The following KIF17 variants were observed in gnomAD, a reference collection of about 807,000 sequenced individuals.
The protein encoded by KIF17 is kinesin family member 17.
KIF17 carries 80 observed loss-of-function variants against 96.8 expected under a neutral mutation model. The observed-to-expected ratio is 0.83, with a 90% CI of 0.69 to 1.00. KIF17 has a LOEUF of 1.00. Among genes scored for constraint, KIF17 ranks in the 50% least tolerant of loss-of-function variants. The pLI is 0.00. For synonymous variants in KIF17, 567 were observed against 587.5 expected, an observed-to-expected ratio of 0.97 and a Z score of 0.51; for missense variants, 1,280 against 1,372.9, an observed-to-expected ratio of 0.93 and a Z score of 1.07.
chr1:20,706,731 G>GCCCCGTC, intron 4 of KIF17, among the ~76,000 whole-genome samples: 1 of 149,338 alleles, frequency 6.7e-6, no homozygotes. Context: ...ACAAAAAAAA[G>GCCCCGTC]TATAAAAATT....
chr1:20,710,847 G>A (rs2054422985), intron 3 of KIF17, among the ~76,000 whole-genome samples: 1 of 152,210 alleles, frequency 6.6e-6, no homozygotes, highest in African/African-American at 2.4e-5. Flanking sequence ...GAAAGGAGAA[G>A]GTGAAGGTCA....
Position 20,698,363 on chromosome 1 carries a change from C to A in KIF17, c.1233+16G>T. On this transcript the variant is annotated intron_variant, in intron 6 of 14. Coordinates refer to ENST00000400463, the MANE Select transcript of KIF17 (RefSeq NM_001122819.3). ...TGCCTGTCCCTTCTCCATGTTCCCA[C>A]CCGCTTGGGTCTCACCTCCCGGATC... is the stretch of plus-strand genomic sequence containing the variant. 2 of 1,594,836 alleles carry A rather than the reference C, an allele frequency of 1.3e-6. No homozygotes were observed. The highest frequency in any genetic ancestry group is 1.7e-6 in the Non-Finnish European group (2 of 1,162,926).
Position 20,709,956 on chromosome 1 carries a change from C to T in KIF17, c.481-128G>A. 1.2e-6 allele frequency: 1 copy of T among 830,728 alleles called. No homozygotes were observed. Among genetic ancestry groups the T allele is most frequent in the Non-Finnish European group, 2.0e-6 (1 of 504,702 alleles). 51.5% of individuals were successfully genotyped at this position (830,728 alleles called of 1,614,324 possible). On this transcript the variant is annotated intron_variant, in intron 3 of 14. Transcript: ENST00000400463. The surrounding 1 kb of genome is among the most constrained non-coding windows in gnomAD (Gnocchi z 4.7). ...CGCCCTCCTGTAATGCAGGCTGGCA[C>T]CTCACATGCCTGTCACAGGGAGGGG...
chr1:20,680,397 A>C (rs1453969299), intron 11 of KIF17, among the ~76,000 whole-genome samples: 1 of 152,236 alleles, frequency 6.6e-6, no homozygotes, highest in Non-Finnish European at 1.5e-5. Context: ...ACAAGCTCAC[A>C]GAACCAAGCC....
chr1:20,685,947 G>A lies in KIF17; in HGVS notation c.2019+99C>T. The A allele has an allele frequency of 9.8e-7, 1 of 1,019,294 alleles. No individual in the cohort carries two copies. Among genetic ancestry groups the A allele is most frequent in the Non-Finnish European group, 1.5e-6 (1 of 662,680 alleles). The allele number at this position is 1,019,294 out of a possible 1,614,324, so 63.1% of individuals were successfully genotyped here. A position where few individuals can be genotyped will look rare whatever the true frequency, so the allele number is the denominator to read the frequency against. On this transcript the variant is annotated intron_variant, in intron 9 of 14. Coordinates refer to ENST00000400463, the MANE Select transcript of KIF17 (RefSeq NM_001122819.3). The surrounding 1 kb of genome is among the most constrained non-coding windows in gnomAD (Gnocchi z 4.1). ...GAGTTGTTGTTCTCAGCTCATGGATGAGGAAACTGAAGCTCAGGGAGGGAG... is the reference window on the plus strand; with the variant it reads ...GAGTTGTTGTTCTCAGCTCATGGATAAGGAAACTGAAGCTCAGGGAGGGAG...
At chr1:20,697,639 G>T (rs542109090) in intron 6 of KIF17, among the ~76,000 whole-genome samples, 9 of 152,210 alleles carry the variant, frequency 5.9e-5, no homozygotes, top group Non-Finnish European at 1.3e-4. Context: ...ATGAATAAAG[G>T]GACTGCCACA....
intron 10 of KIF17, among the ~76,000 whole-genome samples, chr1:20,683,820 G>A (rs1046325704): frequency 2.6e-5 from 4 of 152,156 alleles, no homozygotes; most frequent in Non-Finnish European, 2.9e-5. Context: ...TGCCCGGGCC[G>A]GGTCCCACCT....
downstream of KIF17, among the ~76,000 whole-genome samples, chr1:20,663,026 G>A (rs1022143891): frequency 1.3e-5 from 2 of 152,008 alleles, no homozygotes; most frequent in African/African-American, 2.4e-5. Flanking sequence ...TCAGGAGTTC[G>A]TGACCAGCCT....
rs1373595463 is a variant in KIF17 at position 20,712,599 on chromosome 1, T to TA, written c.480+854dup. ...AATATTATCTATATATATATCTATA[T>TA]ATATCTATATATATATAATATAGAT... On this transcript the variant is annotated intron_variant, in intron 3 of 14. Coordinates refer to ENST00000400463, the MANE Select transcript of KIF17 (RefSeq NM_001122819.3). Among the ~76,000 whole-genome samples the TA allele has an allele frequency of 3.4e-4, 5 of 14,834 alleles. 1 individual carries two copies. Among genetic ancestry groups the TA allele is most frequent in the African/African-American group, 6.6e-4 (4 of 6,036 alleles). The allele number at this position is 14,834 out of a possible 152,430, so 9.7% of individuals were successfully genotyped here.
intron 10 of KIF17, 37 bp from the exon 11 acceptor site, chr1:20,682,921 C>G (rs373433546): frequency 4.8e-5 from 76 of 1,569,906 alleles, no homozygotes; most frequent in Admixed American, 2.2e-4. Context: ...AAGACAATAT[C>G]TGCCCATCAC....
chr1:20,715,913 T>C (rs2054569845), intron 1 of KIF17, among the ~76,000 whole-genome samples: 1 of 152,236 alleles, frequency 6.6e-6, no homozygotes, highest in Non-Finnish European at 1.5e-5. Context: ...CCGTGTGCCC[T>C]TGGGCTGGCC....
chr1:20,691,689 G>A (rs521403), intron 6 of KIF17, among the ~76,000 whole-genome samples: 4,388 of 139,466 alleles, frequency 0.031, 234 homozygotes, highest in African/African-American at 0.11. Flanking sequence ...GGCTGGTCTC[G>A]AACTCCTGAC....
chr1:20,682,554 A>G, intron 11 of KIF17, 99 bp downstream of exon 11: 1 of 961,962 alleles, frequency 1.0e-6, no homozygotes, highest in Admixed American at 1.7e-5. Context: ...TAAAGAGTAG[A>G]GGGCTGCCTG....
At position 20,690,705 on chromosome 1, in the gene KIF17, G is replaced by C. The variant is rs200784271; in HGVS notation, c.1234-370C>G. Among the ~76,000 whole-genome samples the C allele has an allele frequency of 6.9e-5, 10 of 144,340 alleles. No homozygotes were observed. The East Asian group carries it at 1.9e-3, about 27-fold the overall frequency. 94.7% of individuals were successfully genotyped at this position (144,340 alleles called of 152,430 possible). A position where few individuals can be genotyped will look rare whatever the true frequency, so the allele number is the denominator to read the frequency against. On this transcript the variant is annotated intron_variant, in intron 6 of 14. Coordinates refer to ENST00000400463, the MANE Select transcript of KIF17 (RefSeq NM_001122819.3). ...GCAAAAAAAAATTTTTTTTTTTTTT[G>C]AGACGGAGTCTCGCTCTGTCGCCCA...
intron 3 of KIF17, among the ~76,000 whole-genome samples, chr1:20,712,836 T>TTGTAGATATTATCTATAA (rs2054489622): frequency 5.8e-5 from 1 of 17,106 alleles, no homozygotes; most frequent in Non-Finnish European, 1.7e-4. Context: ...ATTATCTATA[T>TTGTAGATATTATCTATAA]TATAGATATA....
intron 7 of KIF17, among the ~76,000 whole-genome samples, chr1:20,689,446 T>A (rs1480821323): frequency 2.6e-5 from 4 of 151,852 alleles, no homozygotes; most frequent in Non-Finnish European, 5.9e-5. Flanking sequence ...AGCCCAGGAG[T>A]TCGAGACCAG....
rs1438910202 is a variant in KIF17, at chr1:20,709,849, A to C, written c.481-21T>G. ...TTCAGCTGAGGGAGGAGGAACAGTC[A>C]GGGGCGGAACCTCCAGCCGCCAAGG... On this transcript the variant is annotated intron_variant, in intron 3 of 14. Transcript: ENST00000400463. The surrounding 1 kb of genome is among the most constrained non-coding windows in gnomAD (Gnocchi z 4.7). 6.3e-7 allele frequency: 1 copy of C among 1,585,824 alleles called. No individual in the cohort carries two copies. Among genetic ancestry groups the C allele is most frequent in the Admixed American group, 1.8e-5 (1 of 54,904 alleles).
chr1:20,681,553 A>C (rs2053830986), intron 11 of KIF17, among the ~76,000 whole-genome samples: 1 of 142,588 alleles, frequency 7.0e-6, no homozygotes, highest in Non-Finnish European at 1.5e-5. Context: ...GGTGGGGGCG[A>C]GGGGGTGGGG....
At position 20,690,352 on chromosome 1, in the gene KIF17, G is replaced by GGGGGGGGGGCCCCC; in HGVS notation, c.1234-18_1234-17insGGGGGCCCCCCCCC. On this transcript the variant is annotated splice_polypyrimidine_tract_variant and intron_variant, in intron 6 of 14. Transcript: ENST00000400463. ...TTCATACTCCTGGGGGGGTGGGAGG[G>GGGGGGGGGGCCCCC]ACCAGAGGGCAGGCAGCATTTTATC... is the stretch of plus-strand genomic sequence containing the variant. 4.4e-6 allele frequency: 2 copies of GGGGGGGGGGCCCCC among 451,140 alleles called. No homozygotes were observed. Among genetic ancestry groups the GGGGGGGGGGCCCCC allele is most frequent in the South Asian group, 1.7e-5 (1 of 57,280 alleles). The allele number at this position is 451,140 out of a possible 1,614,324, so 27.9% of individuals were successfully genotyped here.
Sources: allele counts gnomAD v4.1 joint callset (sites outside exome capture counted in the v4.1 genomes callset), GRCh38; gene constraint gnomAD v4.1.1; non-coding constraint Gnocchi (gnomAD v3.1); transcripts MANE v1.5; gene names NCBI Gene and HGNC (gene_info 2026-07-23, HGNC 2026-07-21).